Variants in PLXDC2 observed in about 807,000 individuals in gnomAD.
The protein encoded by PLXDC2 is plexin domain containing 2.
A neutral mutation model predicts 68.9 loss-of-function variants in PLXDC2; 40 were observed. The ratio of observed to expected loss-of-function variants is 0.58; its 90% CI spans 0.45 to 0.76. The LOEUF (loss-of-function observed/expected upper bound fraction) is 0.76, where lower values mean the gene tolerates loss of function less well. Among genes scored for constraint, PLXDC2 ranks in the 30% least tolerant of loss-of-function variants. PLXDC2 has a pLI of 0.00. For synonymous variants in PLXDC2, 243 were observed against 234.2 expected (o/e 1.04, Z -0.34); for missense variants, 644 against 661.9 (o/e 0.97, Z 0.30).
At chr10:20,153,051 T>G (rs1479797192) in intron 6 of PLXDC2, among the ~76,000 whole-genome samples, 1 of 152,172 alleles carries the variant, frequency 6.6e-6, no homozygotes, top group East Asian at 1.9e-4. Context: ...ACTAAAGATC[T>G]GAATTTTTGC....
At chr10:20,113,796 C>A (rs1833587921) in intron 4 of PLXDC2, among the ~76,000 whole-genome samples, 1 of 152,112 alleles carries the variant, frequency 6.6e-6, no homozygotes, top group Non-Finnish European at 1.5e-5. Flanking sequence ...AGAAAACATT[C>A]TCCTTAATGT....
rs1272884514 is a variant in PLXDC2, at chr10:19,965,648, A to G, written c.113-36127A>G. ...TTGGCTTCTGTGAGTCAGGAAGCTT[A>G]TTGTTGCATGTACTTGAACCATCCC... is the stretch of plus-strand genomic sequence containing the variant. On this transcript the variant is annotated intron_variant, in intron 1 of 13. Coordinates refer to ENST00000377252, the MANE Select transcript of PLXDC2 (RefSeq NM_032812.9). 2.0e-5 allele frequency among the ~76,000 whole-genome samples: 3 copies of G among 148,118 alleles called. No individual in the cohort carries two copies. The Admixed American group carries it at 2.1e-4, about 10-fold the overall frequency.
chr10:20,021,559 A>G (rs1235973665), intron 2 of PLXDC2, among the ~76,000 whole-genome samples: 1 of 151,468 alleles, frequency 6.6e-6, no homozygotes, highest in Non-Finnish European at 1.5e-5. Flanking sequence ...CCTCATCCTG[A>G]CCTCTGTACA....
intron 1 of PLXDC2, among the ~76,000 whole-genome samples, chr10:19,848,989 A>G (rs1360653005): frequency 1.3e-5 from 2 of 152,188 alleles, no homozygotes; most frequent in Non-Finnish European, 2.9e-5. Flanking sequence ...TTAATGTCCT[A>G]TTAATATCCT....
rs911619193 is a variant in PLXDC2 at position 19,975,290 on chromosome 10, T to TA, written c.113-26476dup. Among the ~76,000 whole-genome samples, 9 of 150,262 alleles carry TA rather than the reference T, an allele frequency of 6.0e-5. 1 individual carries two copies. The highest frequency in any genetic ancestry group is 4.2e-4 in the South Asian group (2 of 4,738). On this transcript the variant is annotated intron_variant, in intron 1 of 13. Transcript: ENST00000377252. The stretch of plus-strand genomic sequence containing the variant: ...TAACACGGTGAAACCCCGTCTCTAC[T>TA]AAAAAAAAATACAAAAAATTAGCTG...
intron 1 of PLXDC2, among the ~76,000 whole-genome samples, chr10:19,887,790 C>T (rs1027930442): frequency 6.6e-6 from 1 of 152,150 alleles, no homozygotes; most frequent in Middle Eastern, 3.2e-3. Flanking sequence ...AAAACTTATT[C>T]AGGTCACTTG....
chr10:20,268,700 G>A (rs927901759), intron 13 of PLXDC2, among the ~76,000 whole-genome samples: 3 of 152,148 alleles, frequency 2.0e-5, no homozygotes, highest in South Asian at 2.1e-4. Context: ...CCAGACACAA[G>A]TAACTTGACA....
intron 3 of PLXDC2, among the ~76,000 whole-genome samples, chr10:20,065,055 G>T (rs1043706123): frequency 6.6e-6 from 1 of 151,960 alleles, no homozygotes; most frequent in African/African-American, 2.4e-5. Context: ...GTGCCATCTG[G>T]GATCACCTTC....
rs1834703252 is a variant in PLXDC2, at chr10:19,989,187, C to G, written c.113-12588C>G. ...AAGAAAATACCTGGGAGATGCTTAA[C>G]AAAATGTAAATGGTTTTTTACAAGC... On this transcript the variant is annotated intron_variant, in intron 1 of 13. Transcript: ENST00000377252. Among the ~76,000 whole-genome samples, 3 of 152,134 alleles carry G rather than the reference C, an allele frequency of 2.0e-5. No homozygotes were observed. In the South Asian group the frequency reaches 6.2e-4, roughly 32 times the overall value.
At chr10:19,888,339 A>G (rs141560210) in intron 1 of PLXDC2, among the ~76,000 whole-genome samples, 145 of 152,246 alleles carry the variant, frequency 9.5e-4, no homozygotes, top group African/African-American at 3.4e-3. Flanking sequence ...TCCAGATTTT[A>G]TTTTTCAGGC....
intron 3 of PLXDC2, among the ~76,000 whole-genome samples, chr10:20,054,963 A>G (rs1409680254): frequency 6.6e-6 from 1 of 152,104 alleles, no homozygotes; most frequent in Non-Finnish European, 1.5e-5. Context: ...ACAATTGCCA[A>G]TATACTGTTT....
intron 4 of PLXDC2, among the ~76,000 whole-genome samples, chr10:20,100,433 A>G (rs527328350): frequency 1.3e-5 from 2 of 152,322 alleles, no homozygotes; most frequent in Admixed American, 6.5e-5. Context: ...AAGTGATGTG[A>G]TGTCAGTGAT....
In PLXDC2 at chr10:19,865,700, G is replaced by T. The variant is rs145395276; in HGVS notation, c.112+48509G>T. On this transcript the variant is annotated intron_variant, in intron 1 of 13. Coordinates refer to ENST00000377252, the MANE Select transcript of PLXDC2 (RefSeq NM_032812.9). ...TGATCATCTTTGGAAGCTTCATAAA[G>T]AACTGAGACCTTAAAAATGGAAAAT... 4.6e-5 allele frequency among the ~76,000 whole-genome samples: 7 copies of T among 152,304 alleles called. No individual in the cohort carries two copies. The East Asian group carries it at 1.3e-3, about 29-fold the overall frequency.
At chr10:20,135,759 G>C (rs114471959) in intron 4 of PLXDC2, among the ~76,000 whole-genome samples, 2,976 of 152,194 alleles carry the variant, frequency 0.02, 85 homozygotes, top group African/African-American at 0.067. Context: ...TTCCCCCAAG[G>C]AATGGTTTCG....
chr10:20,117,791 A>G (rs1833640835), intron 4 of PLXDC2, among the ~76,000 whole-genome samples: 1 of 152,204 alleles, frequency 6.6e-6, no homozygotes, highest in South Asian at 2.1e-4. Flanking sequence ...GGAACACATT[A>G]TGTCTGTGAA....
intron 2 of PLXDC2, among the ~76,000 whole-genome samples, chr10:20,015,362 G>T (rs978101368): frequency 3.9e-5 from 6 of 152,126 alleles, no homozygotes; most frequent in African/African-American, 1.4e-4. Context: ...ACGTGTCTGT[G>T]TGTTTGTGTG....
intron 3 of PLXDC2, among the ~76,000 whole-genome samples, chr10:20,063,250 C>T (rs1157072306): frequency 2.0e-5 from 3 of 152,238 alleles, no homozygotes; most frequent in East Asian, 1.9e-4. Context: ...ATTAAAATCA[C>T]GGTGACTACT....
chr10:20,176,721 A>G (rs779135616), intron 7 of PLXDC2, among the ~76,000 whole-genome samples: 3 of 152,128 alleles, frequency 2.0e-5, no homozygotes, highest in Admixed American at 2.0e-4. Context: ...ATCCAAAAAA[A>G]TCTTTAGTAT....
In PLXDC2 at chr10:20,142,182, C is replaced by G. The variant is rs551416194; in HGVS notation, c.542-1113C>G. ...TTATTCAGACCATAAAATGAGTGAT[C>G]AAAGTTTAACATTTTTTGAGCTTTA... is the stretch of plus-strand genomic sequence containing the variant. On this transcript the variant is annotated intron_variant, in intron 4 of 13. Transcript: ENST00000377252. 1.3e-4 allele frequency among the ~76,000 whole-genome samples: 20 copies of G among 152,100 alleles called. 1 individual carries two copies. The East Asian group carries it at 3.9e-3, about 29-fold the overall frequency.
Sources: gnomAD v4.1 joint callset for allele counts (sites outside exome capture counted in the v4.1 genomes callset) on GRCh38, gnomAD v4.1.1 for gene constraint, MANE v1.5 for transcripts, NCBI Gene and HGNC (gene_info 2026-07-23, HGNC 2026-07-21) for gene names.